The following IGSF5 variants were observed in gnomAD, a reference collection of about 807,000 sequenced individuals.
IGSF5 encodes immunoglobulin superfamily member 5, also known as immunoglobulin superfamily 5 like.
A neutral mutation model predicts 39.4 loss-of-function variants in IGSF5; 41 were observed. That is an observed-to-expected ratio of 1.04 (90% CI 0.81 to 1.35). The LOEUF is 1.35. Among genes scored for constraint, IGSF5 ranks in the 40% most tolerant of loss-of-function variants. The pLI is 0.00. For missense variants in IGSF5, 487 were observed against 494.6 expected, an observed-to-expected ratio of 0.98 and a Z score of 0.15; for synonymous variants, 183 against 175.3, an observed-to-expected ratio of 1.04 and a Z score of -0.34.
At chr21:39,776,207 G>GTGTATAGATAT (rs1569254920) in intron 4 of IGSF5, among the ~76,000 whole-genome samples, 3 of 150,282 alleles carry the variant, frequency 2.0e-5, no homozygotes, top group Non-Finnish European at 4.4e-5. Context: ...TATGTGTATA[G>GTGTATAGATAT]ATATAAAATA....
At chr21:39,798,756 C>A (rs904019526) in intron 8 of IGSF5, among the ~76,000 whole-genome samples, 15 of 152,348 alleles carry the variant, frequency 9.8e-5, no homozygotes, top group Middle Eastern at 3.4e-3. Flanking sequence ...CCCATAACTC[C>A]TGCCCCTTTG....
At chr21:39,799,668 G>A (rs1412653491) in intron 8 of IGSF5, among the ~76,000 whole-genome samples, 1 of 152,176 alleles carries the variant, frequency 6.6e-6, no homozygotes, top group Non-Finnish European at 1.5e-5. Context: ...ACAGAGAAGA[G>A]TTTGAGATGC....
intron 2 of IGSF5, among the ~76,000 whole-genome samples, chr21:39,746,904 C>A (rs2079978084): frequency 6.6e-6 from 1 of 152,174 alleles, no homozygotes; most frequent in Admixed American, 6.5e-5. Context: ...GGCAAAAGCA[C>A]CTTGGAGAAA....
At chr21:39,767,765 G>A (rs2080093974) in intron 3 of IGSF5, among the ~76,000 whole-genome samples, 2 of 152,218 alleles carry the variant, frequency 1.3e-5, no homozygotes, top group Non-Finnish European at 2.9e-5. Context: ...ATGCTGGCAA[G>A]TGAGATGGAA....
chr21:39,750,299 A>G (rs1169502199), intron 2 of IGSF5, among the ~76,000 whole-genome samples: 2 of 152,130 alleles, frequency 1.3e-5, no homozygotes, highest in African/African-American at 2.4e-5. Flanking sequence ...ACATGCAGAA[A>G]TCCTTGATTC....
At chr21:39,726,251 C>G in the IGSF5 span, among the ~76,000 whole-genome samples, 1 of 152,072 alleles carries the variant, frequency 6.6e-6, no homozygotes, top group Non-Finnish European at 1.5e-5. Context: ...AGAGTTTTCT[C>G]CATGATTTAG....
intron 5 of IGSF5, among the ~76,000 whole-genome samples, chr21:39,783,964 G>C (rs1337472946): frequency 6.6e-6 from 1 of 152,152 alleles, no homozygotes; most frequent in Non-Finnish European, 1.5e-5. Context: ...TGGATATCCA[G>C]TTTTCTCAGC....
upstream of IGSF5, among the ~76,000 whole-genome samples, chr21:39,741,233 A>G (rs1377408170): frequency 2.6e-5 from 4 of 152,150 alleles, no homozygotes; most frequent in South Asian, 2.1e-4. Flanking sequence ...ATCTTACTAA[A>G]TGGGTATTGG....
At chr21:39,793,216 T>A (rs920528383) in intron 7 of IGSF5, among the ~76,000 whole-genome samples, 1 of 152,222 alleles carries the variant, frequency 6.6e-6, no homozygotes, top group Non-Finnish European at 1.5e-5. Flanking sequence ...AACATCTCTA[T>A]CTCTTTTATC....
chr21:39,766,672 C>T (rs2080089002), intron 3 of IGSF5, among the ~76,000 whole-genome samples: 1 of 152,232 alleles, frequency 6.6e-6, no homozygotes, highest in South Asian at 2.1e-4. Context: ...TAATGTTACA[C>T]AGTAAAAAAG....
the IGSF5 span, chr21:39,730,434 C>T: frequency 1.6e-4 from 25 of 152,246 alleles, no homozygotes; most frequent in East Asian, 1.7e-3. Context: ...GTTTGGACTT[C>T]AACATGTCTT....
At chr21:39,754,899 T>C (rs901727828) in intron 2 of IGSF5, among the ~76,000 whole-genome samples, 10 of 152,128 alleles carry the variant, frequency 6.6e-5, no homozygotes, top group Non-Finnish European at 1.0e-4. Context: ...CAAATCCATA[T>C]CTGTAGCAGC....
rs1014388163 is a variant in IGSF5, at chr21:39,770,633, T to G, written c.419-283T>G. 2.0e-5 allele frequency among the ~76,000 whole-genome samples: 3 copies of G among 151,810 alleles called. No homozygotes were observed. The East Asian group carries it at 5.8e-4, about 29-fold the overall frequency. On this transcript the variant is annotated intron_variant, in intron 3 of 8. Coordinates refer to ENST00000380588, the MANE Select transcript of IGSF5 (RefSeq NM_001080444.2). ...CACTTTTCTTTCCCACATAATTATT[T>G]CCCCCTGGTTTCTGACTTTTATGAA...
the IGSF5 span, among the ~76,000 whole-genome samples, chr21:39,736,257 G>T: frequency 5.1e-4 from 77 of 152,032 alleles, no homozygotes; most frequent in African/African-American, 1.8e-3. Context: ...GATTCCCAGG[G>T]CCTCTCTCCC....
chr21:39,780,549 A>G (rs2080165030), intron 5 of IGSF5, among the ~76,000 whole-genome samples: 1 of 152,204 alleles, frequency 6.6e-6, no homozygotes, highest in Non-Finnish European at 1.5e-5. Context: ...AGAATTTTAA[A>G]TCTCCCTTTG....
At chr21:39,771,304 G>GA in intron 4 of IGSF5, 89 bp downstream of exon 4, 4 of 1,272,056 alleles carry the variant, frequency 3.1e-6, no homozygotes, top group Non-Finnish European at 4.2e-6. Context: ...ACGATGCCTG[G>GA]AAAAATCATA....
chr21:39,729,486 A>G, the IGSF5 span: 1 of 152,182 alleles, frequency 6.6e-6, no homozygotes, highest in Admixed American at 6.6e-5. Flanking sequence ...CTCACGGGGC[A>G]CTCTTTGCCT....
At chr21:39,786,999 C>T (rs1300878165) in intron 5 of IGSF5, among the ~76,000 whole-genome samples, 1 of 152,072 alleles carries the variant, frequency 6.6e-6, no homozygotes, top group Admixed American at 6.5e-5. Flanking sequence ...GGGAGATATA[C>T]CTATTGCTAG....
upstream of IGSF5, among the ~76,000 whole-genome samples, chr21:39,743,370 A>T (rs968126880): frequency 5.5e-4 from 83 of 152,184 alleles, no homozygotes; most frequent in African/African-American, 1.9e-3. Flanking sequence ...AGATCAAAGG[A>T]TTGTCCTAAC....
Sources: allele counts gnomAD v4.1 joint callset (sites outside exome capture counted in the v4.1 genomes callset), GRCh38; gene constraint gnomAD v4.1.1; transcripts MANE v1.5; gene names NCBI Gene and HGNC (gene_info 2026-07-23, HGNC 2026-07-21).